ZNF366: variants seen among roughly 807,000 people sequenced by gnomAD.
The protein encoded by ZNF366 is dendritic cell-specific transcript protein.
In ZNF366, 20 loss-of-function variants were observed where a neutral mutation model predicts 47.2. That is an observed-to-expected ratio of 0.42 (90% CI 0.30 to 0.62). The LOEUF is 0.62. Ranked by LOEUF, ZNF366 falls within the 20% of genes least tolerant of loss-of-function variation. ZNF366 has a pLI of 0.16. For synonymous variants in ZNF366, 421 were observed against 395.1 expected, an observed-to-expected ratio of 1.07 and a Z score of -0.78; for missense variants, 987 against 976.3, an observed-to-expected ratio of 1.01 and a Z score of -0.15.
At chr5:72,484,259 C>T (rs538300139) in intron 1 of ZNF366, among the ~76,000 whole-genome samples, 33 of 151,734 alleles carry the variant, frequency 2.2e-4, no homozygotes, top group Admixed American at 1.4e-3. Context: ...CCGAGGCGGG[C>T]GGATCACGAG....
At position 72,444,070 on chromosome 5, in the gene ZNF366, G is replaced by T. The variant is rs1349125839; in HGVS notation, c.1921C>A (p.Gln641Lys). Residue 641 changes from glutamine to lysine, a missense_variant, in exon 5 of 5, where the codon CAG becomes AAG. This residue lies in a region of ZNF366 where 285 missense variants were observed against 234.8 expected (regional missense o/e 1.21). Coordinates refer to ENST00000318442, the MANE Select transcript of ZNF366 (RefSeq NM_152625.3). ...GACAGATCCTCGGGTGTGCAGAGCT[G>T]CTGGCTCTGGGGGGCCAGGCCAGGG... ...YSPGLAPQSQQLCTPEDLSTK... is the reference protein window; with the variant it reads ...YSPGLAPQSQKLCTPEDLSTK... The T allele has an allele frequency of 1.9e-6, 3 of 1,614,060 alleles. No homozygotes were observed. The highest frequency in any genetic ancestry group is 2.5e-6 in the Non-Finnish European group (3 of 1,180,044).
chr5:72,462,112 A>C (rs1382730812), intron 1 of ZNF366, among the ~76,000 whole-genome samples: 1 of 152,240 alleles, frequency 6.6e-6, no homozygotes, highest in African/African-American at 2.4e-5. Context: ...AAGGGATGTT[A>C]ATGCTTAACT....
At chr5:72,485,650 G>C (rs762741104) in intron 1 of ZNF366, among the ~76,000 whole-genome samples, 2 of 152,136 alleles carry the variant, frequency 1.3e-5, no homozygotes, top group Non-Finnish European at 2.9e-5. Flanking sequence ...AGTCAGGCAG[G>C]TTCTATTAAA....
At chr5:72,491,590 C>A (rs1054004837) in intron 1 of ZNF366, among the ~76,000 whole-genome samples, 1 of 152,098 alleles carries the variant, frequency 6.6e-6, no homozygotes, top group Non-Finnish European at 1.5e-5. Flanking sequence ...ACACTAATAA[C>A]CCAACTTGCC....
At chr5:72,467,321 A>G (rs1298783538) in intron 1 of ZNF366, among the ~76,000 whole-genome samples, 4 of 152,208 alleles carry the variant, frequency 2.6e-5, no homozygotes, top group African/African-American at 7.2e-5. Flanking sequence ...GCTATTATCC[A>G]TAAGAGTTGG....
chr5:72,455,436 C>T (rs1197984391), intron 3 of ZNF366, among the ~76,000 whole-genome samples: 2 of 152,192 alleles, frequency 1.3e-5, no homozygotes, highest in Admixed American at 6.5e-5. Flanking sequence ...ACCTCCATTT[C>T]AAACAGAAGG....
rs1742914252 is a variant in ZNF366, at chr5:72,444,178, G to A, written c.1813C>T (p.Gln605Ter). 3.1e-6 allele frequency: 5 copies of A among 1,613,502 alleles called. No individual in the cohort carries two copies. The highest frequency in any genetic ancestry group is 2.2e-5 in the East Asian group (1 of 44,876). Residue 605 changes from glutamine to a stop codon, truncating the protein, a stop_gained, in exon 5 of 5, where the codon CAG (glutamine) becomes TAG (stop). Coordinates refer to ENST00000318442, the MANE Select transcript of ZNF366 (RefSeq NM_152625.3). LOFTEE classifies it low-confidence loss of function (END_TRUNC). ...QKRRAKVPVF[Q>*]SDGESAQGSH... ...CCCTGGGCACTCTCCCCGTCTGACT[G>A]GAACACCGGCACCTTGGCCCGGCGC... is the stretch of plus-strand genomic sequence containing the variant.
chr5:72,459,372 G>T (rs187911690), intron 2 of ZNF366, among the ~76,000 whole-genome samples: 2 of 152,248 alleles, frequency 1.3e-5, no homozygotes, highest in East Asian at 1.9e-4. Flanking sequence ...CTCAGAGCAG[G>T]TTCCATACTT....
chr5:72,496,462 T>A (rs890620572), intron 1 of ZNF366, among the ~76,000 whole-genome samples: 1 of 152,246 alleles, frequency 6.6e-6, no homozygotes, highest in African/African-American at 2.4e-5. Flanking sequence ...TTGTTTCATA[T>A]GTCAATAGTT....
At chr5:72,467,155 A>G (rs1743445744) in intron 1 of ZNF366, among the ~76,000 whole-genome samples, 1 of 152,230 alleles carries the variant, frequency 6.6e-6, no homozygotes, top group Non-Finnish European at 1.5e-5. Flanking sequence ...ATACATTTTC[A>G]TTGTTACGGT....
chr5:72,457,005 C>T (rs1743203054), intron 2 of ZNF366, among the ~76,000 whole-genome samples: 1 of 152,076 alleles, frequency 6.6e-6, no homozygotes, highest in African/African-American at 2.4e-5. Context: ...ATTATCATTT[C>T]CCTTATGGAA....
chr5:72,473,567 G>A (rs912218474), intron 1 of ZNF366, among the ~76,000 whole-genome samples: 9 of 152,106 alleles, frequency 5.9e-5, no homozygotes, highest in Non-Finnish European at 8.8e-5. Flanking sequence ...TTCCTTCCTC[G>A]TTGCCTTTGT....
intron 1 of ZNF366, among the ~76,000 whole-genome samples, chr5:72,468,449 CG>C (rs1010499075): frequency 3.3e-5 from 5 of 152,174 alleles, no homozygotes; most frequent in African/African-American, 1.2e-4. Flanking sequence ...CTTGTTCACA[CG>C]TGAAACAGCC....
At chr5:72,458,472 A>G (rs1184527814) in intron 2 of ZNF366, among the ~76,000 whole-genome samples, 1 of 152,224 alleles carries the variant, frequency 6.6e-6, no homozygotes, top group Non-Finnish European at 1.5e-5. Flanking sequence ...TAGAATGCAA[A>G]TGAGCAGGAG....
At chr5:72,492,662 G>A (rs1311581619) in intron 1 of ZNF366, among the ~76,000 whole-genome samples, 2 of 152,124 alleles carry the variant, frequency 1.3e-5, no homozygotes, top group African/African-American at 4.8e-5. Flanking sequence ...AAACCAAATA[G>A]CTATCCCTGA....
intron 1 of ZNF366, among the ~76,000 whole-genome samples, chr5:72,475,319 G>T (rs1480275697): frequency 6.6e-6 from 1 of 152,168 alleles, no homozygotes; most frequent in Non-Finnish European, 1.5e-5. Flanking sequence ...AGAGAAGGGG[G>T]TCTTCTGCAA....
chr5:72,444,052 C>A lies in ZNF366; in HGVS notation c.1939G>T (p.Asp647Tyr), dbSNP rs369802814. The change falls in exon 5 of 5, where the codon GAT (aspartate) becomes TAT (tyrosine). Residue 647 changes from aspartate (D) to tyrosine (Y), a missense_variant. This residue lies in a region of ZNF366 where 285 missense variants were observed against 234.8 expected (regional missense o/e 1.21). Transcript: ENST00000318442. The part of the protein sequence containing the change: ...PQSQQLCTPE[D>Y]LSTKSEHAPE... ...GCGTGCTCCGACTTGGTGGACAGAT[C>A]CTCGGGTGTGCAGAGCTGCTGGCTC... The A allele has an allele frequency of 6.8e-6, 11 of 1,614,072 alleles. No homozygotes were observed. In the African/African-American group the frequency reaches 1.5e-4, roughly 22 times the overall value.
At chr5:72,482,610 T>C (rs1365158791) in intron 1 of ZNF366, among the ~76,000 whole-genome samples, 1 of 152,222 alleles carries the variant, frequency 6.6e-6, no homozygotes, top group East Asian at 1.9e-4. Flanking sequence ...ATACATTGCT[T>C]AGAGCTTAAA....
Position 72,503,553 on chromosome 5 carries a change from ACACG to A in ZNF366, c.-15+3694_-15+3697del, listed in dbSNP as rs200740655. Among the ~76,000 whole-genome samples, 35 of 147,230 alleles carry A rather than the reference ACACG, an allele frequency of 2.4e-4. No individual in the cohort carries two copies. The East Asian group carries it at 5.2e-3, about 22-fold the overall frequency. ...AATACACACACACACACACACACACACACGCACACCTCGAAAATTACTTATTTAT... is the reference window on the plus strand; with the variant it reads ...AATACACACACACACACACACACACACACACCTCGAAAATTACTTATTTAT... On this transcript the variant is annotated intron_variant, in intron 1 of 4. Coordinates refer to ENST00000318442, the MANE Select transcript of ZNF366 (RefSeq NM_152625.3).
Sources: allele counts gnomAD v4.1 joint callset (sites outside exome capture counted in the v4.1 genomes callset), GRCh38; gene constraint gnomAD v4.1.1; regional missense constraint gnomAD v4.1.1; transcripts MANE v1.5; gene names NCBI Gene and HGNC (gene_info 2026-07-23, HGNC 2026-07-21).